The following AMBRA1 variants were observed in gnomAD, a reference collection of about 807,000 sequenced individuals.
AMBRA1 encodes the protein activating molecule in BECN1-regulated autophagy protein 1.
Under a neutral mutation model 125.4 loss-of-function variants are expected in AMBRA1, and 47 were observed. That is an observed-to-expected ratio of 0.37 (90% CI 0.30 to 0.48). The LOEUF (loss-of-function observed/expected upper bound fraction) is 0.48. Ranked by LOEUF, AMBRA1 falls within the 20% of genes least tolerant of loss-of-function variation. AMBRA1 has a pLI of 0.99. For missense variants in AMBRA1, 1,331 were observed against 1,693.4 expected, an observed-to-expected ratio of 0.79 and a Z score of 3.76; for synonymous variants, 626 against 655.5, an observed-to-expected ratio of 0.95 and a Z score of 0.69.
At chr11:46,548,731 G>A (rs1012934295) in intron 1 of AMBRA1, among the ~76,000 whole-genome samples, 3 of 152,138 alleles carry the variant, frequency 2.0e-5, no homozygotes, top group South Asian at 2.1e-4. Context: ...AGTGGCTCAC[G>A]CCTGTAATCC....
In AMBRA1 at chr11:46,571,638, T is replaced by C. The variant is rs368227658; in HGVS notation, c.-121+22190A>G. On this transcript the variant is annotated intron_variant, in intron 1 of 17. Coordinates refer to ENST00000683756, the MANE Select transcript of AMBRA1 (RefSeq NM_001387011.1). ...TGCAGTAAGCCATGGTTTGTGTCAC[T>C]GCACTCTAGCCTAGGTGACAGAATG... 1.3e-3 allele frequency among the ~76,000 whole-genome samples: 191 copies of C among 150,528 alleles called. No individual in the cohort carries two copies. In the Middle Eastern group the frequency reaches 0.014, roughly 11 times the overall value.
At chr11:46,487,275 TAAAAG>T (rs956224102) in intron 11 of AMBRA1, among the ~76,000 whole-genome samples, 7 of 151,420 alleles carry the variant, frequency 4.6e-5, no homozygotes, top group Non-Finnish European at 8.8e-5. Context: ...AAAATAAAAA[TAAAAG>T]AGATGAGAGG....
At chr11:46,584,898 C>T (rs1175804606) in intron 1 of AMBRA1, among the ~76,000 whole-genome samples, 1 of 152,050 alleles carries the variant, frequency 6.6e-6, no homozygotes, top group African/African-American at 2.4e-5. Context: ...ATGGTGAAAC[C>T]CTGTCTCTAC....
Position 46,397,906 on chromosome 11 carries a change from C to A in AMBRA1, c.3441G>T (p.Ala1147=), listed in dbSNP as rs757098489. 3 of 1,598,668 alleles carry A rather than the reference C, an allele frequency of 1.9e-6. No individual in the cohort carries two copies. The highest frequency in any genetic ancestry group is 1.1e-5 in the South Asian group (1 of 91,056). ...GSEYGASGED[A]LSRIQRLMAE... The stretch of plus-strand genomic sequence containing the variant: ...CCATCAGCCTCTGGATCCTGCTGAG[C>A]GCATCTTCTCCACTGGCACCATACT... Residue 1147 remains alanine (A), a synonymous_variant, in exon 18 of 18, where the codon GCG becomes GCT. Coordinates refer to ENST00000683756, the MANE Select transcript of AMBRA1 (RefSeq NM_001387011.1).
chr11:46,473,686 C>T (rs1949697714), intron 11 of AMBRA1, among the ~76,000 whole-genome samples: 1 of 152,258 alleles, frequency 6.6e-6, no homozygotes, highest in African/African-American at 2.4e-5. Flanking sequence ...GAGTCTCGCA[C>T]TGTCGCCCAG....
intron 14 of AMBRA1, among the ~76,000 whole-genome samples, chr11:46,431,578 G>C (rs1173480543): frequency 2.0e-5 from 3 of 152,248 alleles, no homozygotes; most frequent in Non-Finnish European, 4.4e-5. Context: ...AGCTGGGCAA[G>C]AGCCCTGGCT....
intron 11 of AMBRA1, among the ~76,000 whole-genome samples, chr11:46,478,892 G>A (rs1194685180): frequency 2.0e-5 from 3 of 151,980 alleles, no homozygotes; most frequent in Non-Finnish European, 4.4e-5. Context: ...GTATATGTAA[G>A]GACACTTTTA....
intron 14 of AMBRA1, among the ~76,000 whole-genome samples, chr11:46,419,969 G>A (rs1274483061): frequency 5.9e-5 from 2 of 33,788 alleles, no homozygotes; most frequent in Non-Finnish European, 1.3e-4. Flanking sequence ...CTCCAGAATG[G>A]AAAAGACAGC....
At chr11:46,579,408 G>T (rs2044093594) in intron 1 of AMBRA1, among the ~76,000 whole-genome samples, 1 of 152,142 alleles carries the variant, frequency 6.6e-6, no homozygotes, top group African/African-American at 2.4e-5. Flanking sequence ...GGTGAGCCGA[G>T]ATCACGCCAT....
chr11:46,551,996 C>T (rs1166981996), intron 1 of AMBRA1, among the ~76,000 whole-genome samples: 2 of 150,790 alleles, frequency 1.3e-5, no homozygotes, highest in Non-Finnish European at 3.0e-5. Context: ...CCACTGCACT[C>T]CGGCCTGGGT....
At chr11:46,579,571 C>G (rs539376425) in intron 1 of AMBRA1, among the ~76,000 whole-genome samples, 9 of 152,112 alleles carry the variant, frequency 5.9e-5, no homozygotes, top group Non-Finnish European at 1.0e-4. Flanking sequence ...TCTTCATACC[C>G]TCACCCTTTT....
chr11:46,513,714 C>T (rs1221660574), intron 7 of AMBRA1, among the ~76,000 whole-genome samples: 1 of 152,120 alleles, frequency 6.6e-6, no homozygotes, highest in East Asian at 1.9e-4. Context: ...CATATGTATT[C>T]AATGGAGACT....
At chr11:46,563,733 G>A (rs756216549) in intron 1 of AMBRA1, among the ~76,000 whole-genome samples, 1 of 151,518 alleles carries the variant, frequency 6.6e-6, no homozygotes, top group Non-Finnish European at 1.5e-5. Context: ...CCAGCAACTC[G>A]GGAGGCCGAG....
chr11:46,570,967 C>G (rs1256012901), intron 1 of AMBRA1, among the ~76,000 whole-genome samples: 1 of 152,140 alleles, frequency 6.6e-6, no homozygotes, highest in East Asian at 1.9e-4. Context: ...TGTGGGGAGA[C>G]TACAACTGCA....
chr11:46,411,054 C>T (rs1176511993), intron 15 of AMBRA1, among the ~76,000 whole-genome samples: 1 of 147,286 alleles, frequency 6.8e-6, no homozygotes, highest in Non-Finnish European at 1.5e-5. Context: ...GAGCTGAGAT[C>T]GCGCCACTGT....
At chr11:46,423,766 T>C (rs1354626002) in intron 14 of AMBRA1, among the ~76,000 whole-genome samples, 1 of 145,354 alleles carries the variant, frequency 6.9e-6, no homozygotes, top group Non-Finnish European at 1.5e-5. Flanking sequence ...CATTTTTTTT[T>C]TTTTTTTTTT....
At chr11:46,400,798 C>T (rs370908342) in intron 17 of AMBRA1, among the ~76,000 whole-genome samples, 25 of 152,038 alleles carry the variant, frequency 1.6e-4, no homozygotes, top group Admixed American at 6.6e-5. Context: ...CAGTCTTAGA[C>T]GATCTTCCTC....
At chr11:46,488,073 T>G (rs1950323685) in intron 11 of AMBRA1, among the ~76,000 whole-genome samples, 1 of 152,126 alleles carries the variant, frequency 6.6e-6, no homozygotes, top group African/African-American at 2.4e-5. Context: ...AGAGGGACAA[T>G]GGTAAAATAG....
chr11:46,545,143 TAA>T (rs1202803135), intron 5 of AMBRA1, among the ~76,000 whole-genome samples: 3 of 29,976 alleles, frequency 1.0e-4, no homozygotes, highest in Non-Finnish European at 1.2e-4. Flanking sequence ...CCTGTCTCCT[TAA>T]AAAAAAAAAA....
Sources: gnomAD v4.1 joint callset for allele counts (sites outside exome capture counted in the v4.1 genomes callset) on GRCh38, gnomAD v4.1.1 for gene constraint, MANE v1.5 for transcripts, NCBI Gene and HGNC (gene_info 2026-07-23, HGNC 2026-07-21) for gene names.